CUL2: variants seen among roughly 807,000 people sequenced by gnomAD.
CUL2 encodes the protein cullin-2.
In CUL2, 22 loss-of-function variants were observed where a neutral mutation model predicts 110.2. The observed-to-expected ratio is 0.20, with a 90% confidence interval of 0.14 to 0.28. The LOEUF is 0.28. Among genes scored for constraint, CUL2 ranks in the 10% least tolerant of loss-of-function variants. The probability of loss-of-function intolerance (pLI) is 1.00; values close to 1 mark genes in which losing one functional copy is unlikely to be tolerated. For synonymous variants in CUL2, 279 were observed against 293.2 expected, an observed-to-expected ratio of 0.95 and a Z score of 0.49; for missense variants, 631 against 905.5, an observed-to-expected ratio of 0.70 and a Z score of 3.89.
chr10:35,083,900 C>T (rs2086998357), intron 1 of CUL2, among the ~76,000 whole-genome samples: 1 of 152,178 alleles, frequency 6.6e-6, no homozygotes, highest in Non-Finnish European at 1.5e-5. Flanking sequence ...ATCCATGTTT[C>T]ATTCTTTGAA....
At chr10:35,077,370 T>A (rs1174511422) in intron 1 of CUL2, among the ~76,000 whole-genome samples, 2 of 149,562 alleles carry the variant, frequency 1.3e-5, no homozygotes, top group Non-Finnish European at 3.0e-5. Context: ...TGGTGGTGGC[T>A]GCCTATAATC....
At chr10:35,041,888 T>C (rs1034941017) in intron 8 of CUL2, among the ~76,000 whole-genome samples, 1 of 152,150 alleles carries the variant, frequency 6.6e-6, no homozygotes, top group South Asian at 2.1e-4. Context: ...TTTATTCCAA[T>C]GTCCCTCCTT....
chr10:35,090,376 G>T (rs1451180699), upstream of CUL2: 1 of 152,352 alleles, frequency 6.6e-6, no homozygotes, highest in Admixed American at 6.5e-5. Flanking sequence ...CACCGGCCCC[G>T]GAGACGCGGG....
Position 35,010,158 on chromosome 10 carries a change from G to A in CUL2, c.*153C>T, listed in dbSNP as rs1266148368. 7 of 537,728 alleles carry A rather than the reference G, an allele frequency of 1.3e-5. No individual in the cohort carries two copies. The highest frequency in any genetic ancestry group is 4.0e-5 in the African/African-American group (2 of 50,424). The allele number at this position is 537,728 out of a possible 1,614,324, so 33.3% of individuals were successfully genotyped here. A position where few individuals can be genotyped will look rare whatever the true frequency, so the allele number is the denominator to read the frequency against. The stretch of plus-strand genomic sequence containing the variant: ...AATATCTCTAGGCATTTTCTTTGAC[G>A]CTCATGACGTGGCACTGGTGATGTT... On this transcript the variant is annotated 3_prime_UTR_variant, in exon 21 of 21. Coordinates refer to ENST00000374749, the MANE Select transcript of CUL2 (RefSeq NM_003591.4).
At chr10:35,042,922 TC>T in intron 8 of CUL2, among the ~76,000 whole-genome samples, 1 of 151,914 alleles carries the variant, frequency 6.6e-6, no homozygotes, top group South Asian at 2.1e-4. Flanking sequence ...GGAGACTCAG[TC>T]CCCAAACTGT....
In CUL2 at chr10:35,008,735, G is replaced by GA; in HGVS notation, c.*1575dup. On this transcript the variant is annotated 3_prime_UTR_variant, in exon 21 of 21. Coordinates refer to ENST00000374749, the MANE Select transcript of CUL2 (RefSeq NM_003591.4). ...TTTAAAACACTTGAGACACGAGTTAGAAAAAATGCAATTGAATAAACCAAT... is the reference window on the plus strand; with the variant it reads ...TTTAAAACACTTGAGACACGAGTTAGAAAAAAATGCAATTGAATAAACCAAT... 1 of 152,050 alleles carries GA rather than the reference G, an allele frequency of 6.6e-6. No homozygotes were observed. Among genetic ancestry groups the GA allele is most frequent in the Non-Finnish European group, 1.5e-5 (1 of 68,000 alleles). The allele number at this position is 152,050 out of a possible 1,614,324, so 9.4% of individuals were successfully genotyped here. A position where few individuals can be genotyped will look rare whatever the true frequency, so the allele number is the denominator to read the frequency against.
chr10:35,040,883 T>C (rs2085768959), intron 8 of CUL2, among the ~76,000 whole-genome samples: 1 of 152,138 alleles, frequency 6.6e-6, no homozygotes, highest in Non-Finnish European at 1.5e-5. Flanking sequence ...TATGAGAATC[T>C]AATGCTGCTG....
chr10:35,084,515 A>C (rs2087014856), intron 1 of CUL2, among the ~76,000 whole-genome samples: 1 of 152,208 alleles, frequency 6.6e-6, no homozygotes. Context: ...GAAAAGCCAA[A>C]TATAAAGTAC....
chr10:35,048,262 T>A (rs1381696623), intron 6 of CUL2, among the ~76,000 whole-genome samples: 1 of 152,174 alleles, frequency 6.6e-6, no homozygotes, highest in Non-Finnish European at 1.5e-5. Flanking sequence ...TAGTAAAGCA[T>A]GTGAAACAAT....
In CUL2 at chr10:35,013,723, T is replaced by C. The variant is rs376870052; in HGVS notation, c.1965A>G (p.Thr655=). The C allele has an allele frequency of 7.7e-6, 12 of 1,567,986 alleles. No homozygotes were observed. The highest frequency in any genetic ancestry group is 1.9e-5 in the Admixed American group (1 of 53,944). Residue 655 remains threonine (T), a synonymous_variant, in exon 19 of 21, where the codon ACA becomes ACG. Coordinates refer to ENST00000374749, the MANE Select transcript of CUL2 (RefSeq NM_003591.4). ...SSKRTKFKIT[T]SMQKDTPQEM... ...CTTGTGGTGTGTCTTTCTGCATTGA[T>C]GTAGTAATTTTAAATTTTGTTCTTT...
chr10:35,114,803 A>T (rs1224422648), intron 1 of CUL2, among the ~76,000 whole-genome samples: 2 of 138,956 alleles, frequency 1.4e-5, no homozygotes, highest in African/African-American at 2.7e-5. Flanking sequence ...GAACTTCCAG[A>T]AATGAAAATG....
intron 2 of CUL2, chr10:35,100,755 C>CAAAAAAAAAAAAAAAAAAAAAAAAA (rs563272303): frequency 2.2e-5 from 1 of 44,464 alleles, no homozygotes. Flanking sequence ...GAGTCCATCT[C>CAAAAAAAAAAAAAAAAAAAAAAAAA]AAAAAAAAAA....
intron 1 of CUL2, among the ~76,000 whole-genome samples, chr10:35,108,745 G>C (rs2087494468): frequency 6.6e-6 from 1 of 152,136 alleles, no homozygotes; most frequent in South Asian, 2.1e-4. Context: ...CCATCTGAAG[G>C]CTTGACTGTG....
chr10:35,076,825 G>C (rs1366097888), intron 1 of CUL2, among the ~76,000 whole-genome samples: 1 of 152,080 alleles, frequency 6.6e-6, no homozygotes, highest in Non-Finnish European at 1.5e-5. Context: ...CAAGGTGGGT[G>C]GATCACCTGA....
chr10:35,064,708 T>A (rs2086471937), intron 2 of CUL2, among the ~76,000 whole-genome samples: 1 of 152,194 alleles, frequency 6.6e-6, no homozygotes, highest in Admixed American at 6.5e-5. Flanking sequence ...ATATTTTTAC[T>A]TGAAAAAATT....
chr10:35,064,820 G>C (rs887812512), intron 2 of CUL2, among the ~76,000 whole-genome samples: 5 of 152,064 alleles, frequency 3.3e-5, no homozygotes, highest in Non-Finnish European at 7.4e-5. Flanking sequence ...TAGGATTACA[G>C]GTATGAGCCA....
intron 1 of CUL2, among the ~76,000 whole-genome samples, chr10:35,078,026 T>C (rs538517550): frequency 6.6e-5 from 10 of 151,950 alleles, no homozygotes; most frequent in Non-Finnish European, 1.0e-4. Flanking sequence ...AATTTAAAAA[T>C]CCTACTCCTC....
intron 1 of CUL2, among the ~76,000 whole-genome samples, chr10:35,085,135 TA>T (rs1343250112): frequency 6.8e-6 from 1 of 146,836 alleles, no homozygotes; most frequent in Non-Finnish European, 1.5e-5. Flanking sequence ...ATAATAATAA[TA>T]AAAAATAACT....
In CUL2 at chr10:35,011,881, T is replaced by C. The variant is rs779075074; in HGVS notation, c.2073A>G (p.Arg691=). 1 of 1,613,532 alleles carries C rather than the reference T, an allele frequency of 6.2e-7. No homozygotes were observed. Among genetic ancestry groups the C allele is most frequent in the Non-Finnish European group, 8.5e-7 (1 of 1,179,458 alleles). ...QAAIVRIMKA[R]KVLRHNALIQ... ...TAAGGGCATTGTGCCGAAGCACTTT[T>C]CGTGCTTTCATGATACGAACTATAG... is the stretch of plus-strand genomic sequence containing the variant. The change falls in exon 20 of 21, where the codon CGA becomes CGG. Residue 691 remains arginine, a synonymous_variant. Coordinates refer to ENST00000374749, the MANE Select transcript of CUL2 (RefSeq NM_003591.4).
Sources: allele counts gnomAD v4.1 joint callset (sites outside exome capture counted in the v4.1 genomes callset), GRCh38; gene constraint gnomAD v4.1.1; transcripts MANE v1.5; gene names NCBI Gene and HGNC (gene_info 2026-07-23, HGNC 2026-07-21).